MRTFA: variants seen among roughly 807,000 people sequenced by gnomAD.
MRTFA encodes the protein myocardin-related transcription factor A.
MRTFA carries 20 observed loss-of-function variants against 83.5 expected under a neutral mutation model. That is an observed-to-expected ratio of 0.24 (90% CI 0.17 to 0.35). The LOEUF is 0.35. Ranked by LOEUF, MRTFA falls within the 10% of genes least tolerant of loss-of-function variation. The pLI is 1.00. For synonymous variants in MRTFA, 659 were observed against 541.2 expected (o/e 1.22, Z -3.02); for missense variants, 1,200 against 1,224.7 (o/e 0.98, Z 0.30).
chr22:40,510,580 C>A (rs1231608494), intron 3 of MRTFA, among the ~76,000 whole-genome samples: 1 of 152,024 alleles, frequency 6.6e-6, no homozygotes, highest in Non-Finnish European at 1.5e-5. Context: ...AGTGCTTTCA[C>A]TGAATCATTA....
chr22:40,417,070 A>G (rs759479321), intron 13 of MRTFA, 24 bp from the exon 14 acceptor site: 35 of 1,562,938 alleles, frequency 2.2e-5, no homozygotes, highest in Non-Finnish European at 3.0e-5. Flanking sequence ...GAAAAAAAAA[A>G]AAGAGATAAA....
intron 3 of MRTFA, among the ~76,000 whole-genome samples, chr22:40,547,043 T>G (rs1057038458): frequency 1.3e-5 from 2 of 151,914 alleles, no homozygotes; most frequent in African/African-American, 2.4e-5. Context: ...TAGTCCCAGC[T>G]ACTCGGGAGG....
chr22:40,490,341 C>T (rs904453130), intron 3 of MRTFA, among the ~76,000 whole-genome samples: 1 of 152,188 alleles, frequency 6.6e-6, no homozygotes, highest in Non-Finnish European at 1.5e-5. Flanking sequence ...TGGCTCACGC[C>T]TGTAATCCTA....
chr22:40,634,271 G>T (rs1475019991), intron 1 of MRTFA, among the ~76,000 whole-genome samples: 7 of 151,928 alleles, frequency 4.6e-5, no homozygotes, highest in Non-Finnish European at 1.0e-4. Context: ...ACTTTTTTGT[G>T]GAGACAAGCT....
At chr22:40,441,542 T>C (rs2053273775) in intron 4 of MRTFA, among the ~76,000 whole-genome samples, 1 of 152,172 alleles carries the variant, frequency 6.6e-6, no homozygotes, top group South Asian at 2.1e-4. Context: ...CCCAGCACTT[T>C]GGGAGGCCGA....
chr22:40,518,822 C>A (rs1401260035), intron 3 of MRTFA, among the ~76,000 whole-genome samples: 17 of 130,552 alleles, frequency 1.3e-4, no homozygotes, highest in Non-Finnish European at 2.4e-4. Context: ...AAAAAAAAAA[C>A]CAGTGTCTGT....
intron 9 of MRTFA, among the ~76,000 whole-genome samples, chr22:40,423,006 G>A (rs2052874108): frequency 6.6e-6 from 1 of 152,182 alleles, no homozygotes; most frequent in Non-Finnish European, 1.5e-5. Context: ...GAGCAGGGAG[G>A]ACTCTGCATG....
At chr22:40,493,008 C>T (rs998689091) in intron 3 of MRTFA, among the ~76,000 whole-genome samples, 1 of 152,148 alleles carries the variant, frequency 6.6e-6, no homozygotes, top group South Asian at 2.1e-4. Flanking sequence ...AATATATTGG[C>T]ACAATAGTGA....
chr22:40,411,070 AG>A lies in MRTFA; in HGVS notation c.*319del, dbSNP rs2052515091. On this transcript the variant is annotated 3_prime_UTR_variant, in exon 15 of 15. Coordinates refer to ENST00000355630, the MANE Select transcript of MRTFA (RefSeq NM_020831.6). ...CGCCTGGCCAGGCTTCACCTACCTT[AG>A]CCAAATTGTAGCCAGACAGACAGTG... 1 of 282,402 alleles carries A rather than the reference AG, an allele frequency of 3.5e-6. No individual in the cohort carries two copies. Among genetic ancestry groups the A allele is most frequent in the Non-Finnish European group, 6.6e-6 (1 of 151,182 alleles). The allele number at this position is 282,402 out of a possible 1,614,324, so 17.5% of individuals were successfully genotyped here.
chr22:40,437,314 C>T (rs1039079298), intron 4 of MRTFA, among the ~76,000 whole-genome samples: 2 of 152,094 alleles, frequency 1.3e-5, no homozygotes, highest in African/African-American at 2.4e-5. Flanking sequence ...ATGCATCACA[C>T]GTAACCTTGG....
chr22:40,508,046 G>A (rs1267603175), intron 3 of MRTFA, among the ~76,000 whole-genome samples: 1 of 151,144 alleles, frequency 6.6e-6, no homozygotes, highest in Non-Finnish European at 1.5e-5. Flanking sequence ...CTGGGCACAG[G>A]TGCTGTTACT....
At chr22:40,443,850 A>T (rs1416994408) in intron 4 of MRTFA, among the ~76,000 whole-genome samples, 1 of 152,090 alleles carries the variant, frequency 6.6e-6, no homozygotes, top group Non-Finnish European at 1.5e-5. Flanking sequence ...TGGCATTCAT[A>T]AGGCACCTCT....
At chr22:40,508,197 G>A (rs375063804) in intron 3 of MRTFA, among the ~76,000 whole-genome samples, 12 of 151,942 alleles carry the variant, frequency 7.9e-5, no homozygotes, top group African/African-American at 2.9e-4. Context: ...GAAAAAATGT[G>A]TTTGTCTATT....
chr22:40,462,704 C>T (rs2053737330), intron 4 of MRTFA, among the ~76,000 whole-genome samples: 1 of 152,208 alleles, frequency 6.6e-6, no homozygotes, highest in Non-Finnish European at 1.5e-5. Context: ...CGTGATAGCG[C>T]CATCAACGAC....
chr22:40,518,045 A>G (rs187845168), intron 3 of MRTFA, among the ~76,000 whole-genome samples: 30 of 152,302 alleles, frequency 2.0e-4, no homozygotes, highest in Admixed American at 6.5e-4. Flanking sequence ...CAGAGAAGGC[A>G]TGGGAGCATC....
chr22:40,583,333 G>A (rs2055978148), intron 2 of MRTFA, among the ~76,000 whole-genome samples: 1 of 152,156 alleles, frequency 6.6e-6, no homozygotes, highest in Admixed American at 6.5e-5. Flanking sequence ...CAGAACTTTG[G>A]TAACCTTATC....
At chr22:40,515,678 C>T (rs1017580402) in intron 3 of MRTFA, among the ~76,000 whole-genome samples, 13 of 152,242 alleles carry the variant, frequency 8.5e-5, no homozygotes, top group Admixed American at 7.2e-4. Context: ...AAAGAGAAAA[C>T]AGCAGCAGGT....
intron 3 of MRTFA, among the ~76,000 whole-genome samples, chr22:40,517,805 G>C (rs2054786713): frequency 6.6e-6 from 1 of 152,150 alleles, no homozygotes; most frequent in South Asian, 2.1e-4. Flanking sequence ...TTATGGATGA[G>C]GGCTGGCTGC....
At chr22:40,418,238 C>T (rs901889567) in intron 12 of MRTFA, 136 bp downstream of exon 12, 252 of 1,459,554 alleles carry the variant, frequency 1.7e-4, no homozygotes, top group Non-Finnish European at 2.2e-4. Flanking sequence ...TCTCAGTACC[C>T]CCCTGGTGAA....
Sources: allele counts gnomAD v4.1 joint callset (sites outside exome capture counted in the v4.1 genomes callset), GRCh38; gene constraint gnomAD v4.1.1; transcripts MANE v1.5; gene names NCBI Gene and HGNC (gene_info 2026-07-23, HGNC 2026-07-21).